The following NOL4L variants were observed in gnomAD, a reference collection of about 807,000 sequenced individuals.
NOL4L encodes nucleolar protein 4 like, also known as nucleolar protein 4-like.
In NOL4L, 7 loss-of-function variants were observed where a neutral mutation model predicts 64.5. The ratio of observed to expected loss-of-function variants is 0.11; its 90% CI spans 0.06 to 0.20. The LOEUF (loss-of-function observed/expected upper bound fraction) is 0.20. Among genes scored for constraint, NOL4L ranks in the 10% least tolerant of loss-of-function variants. The pLI is 1.00. For synonymous variants in NOL4L, 413 were observed against 401.0 expected, an observed-to-expected ratio of 1.03 and a Z score of -0.36; for missense variants, 680 against 967.1, an observed-to-expected ratio of 0.70 and a Z score of 3.94.
intron 2 of NOL4L, among the ~76,000 whole-genome samples, chr20:32,523,871 G>T (rs1027813364): frequency 6.6e-6 from 1 of 152,204 alleles, no homozygotes; most frequent in Non-Finnish European, 1.5e-5. Context: ...CAGAGTCGCT[G>T]ACTTGCAAGG....
At position 32,447,436 on chromosome 20, in the gene NOL4L, T is replaced by G; in HGVS notation, c.*160A>C. 3.1e-6 allele frequency: 2 copies of G among 642,178 alleles called. No individual in the cohort carries two copies. The highest frequency in any genetic ancestry group is 4.8e-6 in the Non-Finnish European group (2 of 414,744). 39.8% of individuals were successfully genotyped at this position (642,178 alleles called of 1,614,324 possible). On this transcript the variant is annotated 3_prime_UTR_variant, in exon 11 of 11. Transcript: ENST00000621426. Reference sequence around the variant, plus strand: ...AAAAAAAAAAAAAAAAAAAGTGTCCTTGTGCCCAAAGTCTCAGGTGCTTGG... The same window carrying G: ...AAAAAAAAAAAAAAAAAAAGTGTCCGTGTGCCCAAAGTCTCAGGTGCTTGG...
chr20:32,477,074 G>A (rs753349334), intron 4 of NOL4L, among the ~76,000 whole-genome samples: 4 of 152,168 alleles, frequency 2.6e-5, no homozygotes, highest in African/African-American at 9.7e-5. Context: ...ACCCTGGCAG[G>A]GCCGTACCTG....
intron 2 of NOL4L, among the ~76,000 whole-genome samples, chr20:32,523,291 G>C (rs733852): frequency 2.0e-5 from 3 of 152,076 alleles, no homozygotes; most frequent in African/African-American, 7.2e-5. Context: ...GCCCCACAAG[G>C]CTGGATTGTC....
intron 10 of NOL4L, among the ~76,000 whole-genome samples, chr20:32,449,228 C>T (rs922609010): frequency 5.9e-5 from 9 of 152,214 alleles, no homozygotes; most frequent in African/African-American, 2.2e-4. Context: ...GTTGTCTGCC[C>T]TCCCCCTGGA....
At chr20:32,476,836 C>T (rs1454783784) in intron 4 of NOL4L, among the ~76,000 whole-genome samples, 2 of 152,216 alleles carry the variant, frequency 1.3e-5, no homozygotes, top group African/African-American at 4.8e-5. Flanking sequence ...CAGGGCAGCC[C>T]AGAAAAACCC....
intron 4 of NOL4L, among the ~76,000 whole-genome samples, chr20:32,489,015 A>T (rs1600741452): frequency 1.2e-5 from 1 of 86,596 alleles, no homozygotes; most frequent in Non-Finnish European, 2.4e-5. Context: ...AAGGAAAATT[A>T]ATCTTTTGTC....
Position 32,452,962 on chromosome 20 carries a change from G to A in NOL4L, c.1542C>T (p.Asn514=). ...PPHLTSAMAE[N]ILAAACESET... ...CGCTCTCACAGGCAGCTGCCAGGATGTTTTCTGCCATGGCCGAGGTCAGAT... is the reference window on the plus strand; with the variant it reads ...CGCTCTCACAGGCAGCTGCCAGGATATTTTCTGCCATGGCCGAGGTCAGAT... The change falls in exon 9 of 11, where the codon AAC becomes AAT. Residue 514 remains asparagine (N), a synonymous_variant. Coordinates refer to ENST00000621426, the MANE Select transcript of NOL4L (RefSeq NM_001256798.2). 5 of 1,614,042 alleles carry A rather than the reference G, an allele frequency of 3.1e-6. No individual in the cohort carries two copies. The highest frequency in any genetic ancestry group is 4.2e-6 in the Non-Finnish European group (5 of 1,180,028).
At chr20:32,498,371 T>G (rs986369014) in intron 4 of NOL4L, among the ~76,000 whole-genome samples, 2 of 150,756 alleles carry the variant, frequency 1.3e-5, no homozygotes, top group Non-Finnish European at 2.9e-5. Context: ...TAATGTCCCA[T>G]AACAAAAGAT....
intron 5 of NOL4L, among the ~76,000 whole-genome samples, chr20:32,469,970 G>A (rs2014881904): frequency 6.6e-6 from 1 of 152,362 alleles, no homozygotes; most frequent in Admixed American, 6.5e-5. Context: ...GCGGGAGCCC[G>A]TGTGTCCCGA....
rs563964260 is a variant in NOL4L, at chr20:32,556,851, G to A, written c.321+27719C>T. On this transcript the variant is annotated intron_variant, in intron 1 of 10. Transcript: ENST00000621426. Reference sequence around the variant, plus strand: ...CAGTGGAGCCAGAGCTGGACGTGCCGGAGCCACAGTGCCTCGCCACACGGC... The same window carrying A: ...CAGTGGAGCCAGAGCTGGACGTGCCAGAGCCACAGTGCCTCGCCACACGGC... Among the ~76,000 whole-genome samples, 21 of 152,324 alleles carry A rather than the reference G, an allele frequency of 1.4e-4. No individual in the cohort carries two copies. In the East Asian group the frequency reaches 3.1e-3, roughly 22 times the overall value.
chr20:32,578,397 T>G (rs1980262960), intron 1 of NOL4L, among the ~76,000 whole-genome samples: 1 of 152,124 alleles, frequency 6.6e-6, no homozygotes, highest in Non-Finnish European at 1.5e-5. Context: ...CGTTCTCTGT[T>G]TTTTTTGAGA....
At chr20:32,538,258 C>G (rs2018585910) in intron 1 of NOL4L, among the ~76,000 whole-genome samples, 1 of 152,202 alleles carries the variant, frequency 6.6e-6, no homozygotes, top group Admixed American at 6.5e-5. Context: ...AGGGAGGGTT[C>G]AGTCCCCTCA....
chr20:32,475,424 T>C, intron 4 of NOL4L: 1 of 793,770 alleles, frequency 1.3e-6, no homozygotes, highest in Non-Finnish European at 1.5e-6. Flanking sequence ...CTCAAGGGCC[T>C]GGGGGGCCGC....
chr20:32,517,892 A>G (rs138044069), intron 3 of NOL4L, among the ~76,000 whole-genome samples: 1 of 152,304 alleles, frequency 6.6e-6, no homozygotes, highest in Admixed American at 6.5e-5. Flanking sequence ...TCCTGCCTGC[A>G]CTTCTATCTC....
intron 1 of NOL4L, among the ~76,000 whole-genome samples, chr20:32,538,260 G>A (rs1336635431): frequency 6.6e-6 from 1 of 152,192 alleles, no homozygotes; most frequent in Non-Finnish European, 1.5e-5. Context: ...GGAGGGTTCA[G>A]TCCCCTCAGG....
chr20:32,501,606 G>A (rs2016924401), intron 4 of NOL4L, among the ~76,000 whole-genome samples: 1 of 152,168 alleles, frequency 6.6e-6, no homozygotes, highest in African/African-American at 2.4e-5. Context: ...GTGTCGAGGA[G>A]TGGGCAATGT....
chr20:32,488,794 T>TTTCTTC, intron 4 of NOL4L, among the ~76,000 whole-genome samples: 1 of 48,736 alleles, frequency 2.1e-5, no homozygotes, highest in South Asian at 6.5e-4. Flanking sequence ...TTCCTTCCTT[T>TTTCTTC]CTTTCTTTCT....
chr20:32,495,001 T>C (rs1185186014), intron 4 of NOL4L, among the ~76,000 whole-genome samples: 1 of 152,158 alleles, frequency 6.6e-6, no homozygotes, highest in Non-Finnish European at 1.5e-5. Context: ...CATGTGGCCT[T>C]TTCTCTTTCA....
At chr20:32,458,538 C>G (rs564292818) in intron 5 of NOL4L, among the ~76,000 whole-genome samples, 1 of 152,342 alleles carries the variant, frequency 6.6e-6, no homozygotes, top group South Asian at 2.1e-4. Flanking sequence ...GGTCCAGGAG[C>G]CTCCACGGGG....
Sources: gnomAD v4.1 joint callset for allele counts (sites outside exome capture counted in the v4.1 genomes callset) on GRCh38, gnomAD v4.1.1 for gene constraint, MANE v1.5 for transcripts, NCBI Gene and HGNC (gene_info 2026-07-23, HGNC 2026-07-21) for gene names.